Variants in CSMD1 observed in about 807,000 individuals in gnomAD.
The protein encoded by CSMD1 is CUB and Sushi multiple domains 1.
A neutral mutation model predicts 417.5 loss-of-function variants in CSMD1; 213 were observed. That is an observed-to-expected ratio of 0.51 (90% CI 0.46 to 0.57). CSMD1 has a LOEUF of 0.57. CSMD1 is among the 20% of genes least tolerant of loss of function. CSMD1 has a pLI of 0.00. For synonymous variants in CSMD1, 2,862 were observed against 1,736.8 expected (o/e 1.65, Z -16.11); for missense variants, 6,923 against 4,529.7 (o/e 1.53, Z -15.17).
At chr8:4,724,571 C>G (rs1029861784) in intron 1 of CSMD1, among the ~76,000 whole-genome samples, 1 of 149,062 alleles carries the variant, frequency 6.7e-6, no homozygotes, top group African/African-American at 2.5e-5. Flanking sequence ...TGTTTATACT[C>G]CCAGTGAAAT....
intron 3 of CSMD1, among the ~76,000 whole-genome samples, chr8:4,408,438 G>C (rs550661440): frequency 1.3e-5 from 2 of 152,274 alleles, no homozygotes; most frequent in East Asian, 1.9e-4. Context: ...GAAAAGAATT[G>C]GGAGAATACA....
chr8:4,165,345 C>G (rs565404206), intron 3 of CSMD1, among the ~76,000 whole-genome samples: 1 of 152,232 alleles, frequency 6.6e-6, no homozygotes, highest in Non-Finnish European at 1.5e-5. Flanking sequence ...CGTGGTGTCC[C>G]ACAAATTCCT....
At chr8:3,738,356 G>C (rs114293184) in intron 6 of CSMD1, among the ~76,000 whole-genome samples, 1,578 of 152,294 alleles carry the variant, frequency 0.01, 7 homozygotes, top group African/African-American at 0.02. Flanking sequence ...AGGCATTGGG[G>C]CCTGGCAAAA....
chr8:3,507,232 A>G (rs934252625), intron 10 of CSMD1, among the ~76,000 whole-genome samples: 4 of 152,176 alleles, frequency 2.6e-5, no homozygotes, highest in African/African-American at 7.2e-5. Flanking sequence ...AACCTATACA[A>G]TATTTTTTTT....
At chr8:4,564,164 T>C (rs1455922136) in intron 2 of CSMD1, among the ~76,000 whole-genome samples, 6 of 152,336 alleles carry the variant, frequency 3.9e-5, no homozygotes, top group East Asian at 1.9e-4. Flanking sequence ...CAGAAGATAA[T>C]GGTCAAGTCA....
At chr8:3,061,525 C>A (rs944799098) in intron 49 of CSMD1, among the ~76,000 whole-genome samples, 1 of 152,170 alleles carries the variant, frequency 6.6e-6, no homozygotes, top group Non-Finnish European at 1.5e-5. Flanking sequence ...CGAGCAAACA[C>A]TGGGAGACGT....
At chr8:4,759,115 G>A (rs1427877123) in intron 1 of CSMD1, among the ~76,000 whole-genome samples, 2 of 152,318 alleles carry the variant, frequency 1.3e-5, no homozygotes, top group African/African-American at 4.8e-5. Context: ...ATGCATTTGG[G>A]CTGAGGGAGA....
At chr8:3,562,177 G>A (rs926774499) in intron 10 of CSMD1, among the ~76,000 whole-genome samples, 1 of 152,152 alleles carries the variant, frequency 6.6e-6, no homozygotes, top group Non-Finnish European at 1.5e-5. Flanking sequence ...GTAGTAGGTG[G>A]GGAAAGATGG....
intron 3 of CSMD1, among the ~76,000 whole-genome samples, chr8:4,398,913 A>G (rs1804454513): frequency 6.6e-6 from 1 of 152,186 alleles, no homozygotes; most frequent in African/African-American, 2.4e-5. Flanking sequence ...CTAATTCACA[A>G]ATCCATTTAA....
At chr8:4,901,746 G>C (rs1448897681) in intron 1 of CSMD1, among the ~76,000 whole-genome samples, 2 of 152,166 alleles carry the variant, frequency 1.3e-5, no homozygotes, top group East Asian at 1.9e-4. Context: ...TTAGCATAGA[G>C]GACGGTAAGT....
At chr8:3,020,845 T>C (rs925335770) in intron 51 of CSMD1, among the ~76,000 whole-genome samples, 7 of 152,348 alleles carry the variant, frequency 4.6e-5, no homozygotes, top group East Asian at 1.9e-4. Context: ...GTTTTGGGGA[T>C]TGCTAAACTA....
intron 3 of CSMD1, among the ~76,000 whole-genome samples, chr8:4,327,705 G>C (rs1504754): frequency 6.6e-6 from 1 of 151,992 alleles, no homozygotes; most frequent in Non-Finnish European, 1.5e-5. Flanking sequence ...ATAGGTATTA[G>C]AAGTTTAAAA....
At chr8:3,521,205 T>G (rs138200227) in intron 10 of CSMD1, among the ~76,000 whole-genome samples, 22 of 152,298 alleles carry the variant, frequency 1.4e-4, no homozygotes, top group African/African-American at 5.1e-4. Flanking sequence ...CCACCACCCT[T>G]GCTTAAACAC....
In CSMD1 at chr8:3,853,212, T is replaced by C. The variant is rs368427883; in HGVS notation, c.819-99170A>G. Among the ~76,000 whole-genome samples, 11 of 152,198 alleles carry C rather than the reference T, an allele frequency of 7.2e-5. No homozygotes were observed. The South Asian group carries it at 2.3e-3, about 32-fold the overall frequency. ...TTCCTTCACGATTGCATGTTTTCAG[T>C]CTTCTTTGTTGGTTCTTCCTTTTGG... On this transcript the variant is annotated intron_variant, in intron 5 of 69. Transcript: ENST00000635120.
At chr8:3,669,220 C>T (rs1488547971) in intron 7 of CSMD1, among the ~76,000 whole-genome samples, 1 of 152,168 alleles carries the variant, frequency 6.6e-6, no homozygotes, top group Non-Finnish European at 1.5e-5. Context: ...AATTCAAAGA[C>T]ACTAAATAAG....
At position 3,892,561 on chromosome 8, in the gene CSMD1, G is replaced by A. The variant is rs77518114; in HGVS notation, c.818+105342C>T. Among the ~76,000 whole-genome samples the A allele has an allele frequency of 1.6e-3, 231 of 143,920 alleles. 1 individual carries two copies. Among genetic ancestry groups the A allele is most frequent in the African/African-American group, 5.7e-3 (216 of 37,630 alleles). 94.4% of individuals were successfully genotyped at this position (143,920 alleles called of 152,430 possible). On this transcript the variant is annotated intron_variant, in intron 5 of 69. Transcript: ENST00000635120. Reference sequence around the variant, plus strand: ...ATAATAATAATAATAATAATAATAAGATTACTCTAAGTAAAACCAGTTAAA... The same window carrying A: ...ATAATAATAATAATAATAATAATAAAATTACTCTAAGTAAAACCAGTTAAA...
chr8:4,386,189 C>T (rs1017164368), intron 3 of CSMD1, among the ~76,000 whole-genome samples: 1 of 152,122 alleles, frequency 6.6e-6, no homozygotes, highest in Non-Finnish European at 1.5e-5. Context: ...ATCAGACATT[C>T]TCCTACCTTC....
Position 3,493,719 on chromosome 8 carries a change from T to C in CSMD1, c.1352A>G (p.Lys451Arg), listed in dbSNP as rs780144242. 10 of 1,609,792 alleles carry C rather than the reference T, an allele frequency of 6.2e-6. No individual in the cohort carries two copies. Among genetic ancestry groups the C allele is most frequent in the Non-Finnish European group, 7.6e-6 (9 of 1,178,018 alleles). ...ITTTDPDKVIKLAFEEFELER... is the reference protein window; with the variant it reads ...ITTTDPDKVIRLAFEEFELER... ...CAGCTCAAACTCTTCAAAGGCAAGC[T>C]TGATGACCTAAATACAAGGTACGAA... Residue 451 changes from lysine to arginine, a missense_variant, in exon 11 of 70, where the codon AAG (lysine) becomes AGG (arginine). Transcript: ENST00000635120.
intron 52 of CSMD1, among the ~76,000 whole-genome samples, chr8:3,013,023 C>T (rs1211860852): frequency 6.6e-6 from 1 of 152,204 alleles, no homozygotes; most frequent in African/African-American, 2.4e-5. Flanking sequence ...CTTTGCTTCT[C>T]CTTTACCTTC....
Sources: gnomAD v4.1 joint callset for allele counts (sites outside exome capture counted in the v4.1 genomes callset) on GRCh38, gnomAD v4.1.1 for gene constraint, MANE v1.5 for transcripts, NCBI Gene and HGNC (gene_info 2026-07-23, HGNC 2026-07-21) for gene names.